Variants in ALDH1A2 observed in about 807,000 individuals in gnomAD.
ALDH1A2 encodes the protein retinal dehydrogenase 2.
In ALDH1A2, 27 loss-of-function variants were observed where a neutral mutation model predicts 60.3. The observed-to-expected ratio is 0.45, with a 90% CI of 0.33 to 0.62. The LOEUF is 0.62. Among genes scored for constraint, ALDH1A2 ranks in the 20% least tolerant of loss-of-function variants. The pLI, the probability that ALDH1A2 is intolerant of heterozygous loss-of-function variation, is 0.02. For synonymous variants in ALDH1A2, 289 were observed against 232.4 expected (o/e 1.24, Z -2.21); for missense variants, 581 against 643.8 (o/e 0.90, Z 1.06).
chr15:57,962,197 T>C, intron 9 of ALDH1A2, 21 bp from the exon 10 acceptor site: 1 of 1,612,082 alleles, frequency 6.2e-7, no homozygotes, highest in Non-Finnish European at 8.5e-7. Context: ...CAAGACTTAA[T>C]GACTCCAAAT....
chr15:57,996,261 ATTAT>A (rs1210754673), intron 4 of ALDH1A2, among the ~76,000 whole-genome samples: 3 of 151,900 alleles, frequency 2.0e-5, no homozygotes, highest in African/African-American at 7.3e-5. Context: ...CATATTCAAA[ATTAT>A]TTATTTTTTA....
chr15:57,968,802 A>G (rs1255020390), intron 7 of ALDH1A2, among the ~76,000 whole-genome samples: 1 of 152,206 alleles, frequency 6.6e-6, no homozygotes, highest in African/African-American at 2.4e-5. Context: ...TCATCAGACC[A>G]TTCTAGAGGT....
intron 12 of ALDH1A2, among the ~76,000 whole-genome samples, chr15:57,955,796 C>T (rs1374251984): frequency 4.6e-5 from 7 of 152,204 alleles, no homozygotes; most frequent in Non-Finnish European, 8.8e-5. Flanking sequence ...CTAAGTGTTC[C>T]TGTCCTTCTG....
At chr15:58,028,200 C>G (rs1896131074) in intron 1 of ALDH1A2, among the ~76,000 whole-genome samples, 1 of 152,102 alleles carries the variant, frequency 6.6e-6, no homozygotes, top group African/African-American at 2.4e-5. Flanking sequence ...ACAGCAGATC[C>G]CTTGGCAGAA....
chr15:57,961,923 G>A, intron 10 of ALDH1A2, 89 bp downstream of exon 10: 2 of 1,510,908 alleles, frequency 1.3e-6, no homozygotes, highest in Non-Finnish European at 9.2e-7. Flanking sequence ...AAAATATAAA[G>A]AGCTAAAACT....
At position 57,955,146 on chromosome 15, in the gene ALDH1A2, G is replaced by T. The variant is rs780113751; in HGVS notation, c.*51C>A. On this transcript the variant is annotated 3_prime_UTR_variant, in exon 13 of 13. Transcript: ENST00000249750. ...CTGAGAGCTGGGCCCTACAGAGAAA[G>T]CAGAGAGGGACAGACGTGCAGGCTG... The T allele has an allele frequency of 4.5e-6, 7 of 1,555,904 alleles. No individual in the cohort carries two copies. The highest frequency in any genetic ancestry group is 2.7e-5 in the African/African-American group (2 of 73,732).
Position 58,010,738 on chromosome 15 carries a change from G to C in ALDH1A2, c.404C>G (p.Ala135Gly). 6.2e-7 allele frequency: 1 copy of C among 1,613,542 alleles called. No individual in the cohort carries two copies. The highest frequency in any genetic ancestry group is 1.1e-5 in the South Asian group (1 of 91,082). ...GACGCCCTGCAAATCCACATAAAAA[G>C]CTTGCAGGAATGGTTTGCCACCATT... ...SLNGGKPFLQ[A>G]FYVDLQGVIK... Residue 135 changes from alanine to glycine, a missense_variant, in exon 4 of 13, where the codon GCT (alanine) becomes GGT (glycine). Ala to Gly is a moderately conservative substitution (Grantham distance 60). This residue lies in a region of ALDH1A2 where 206 missense variants were observed against 174.1 expected (regional missense o/e 1.18). Coordinates refer to ENST00000249750, the MANE Select transcript of ALDH1A2 (RefSeq NM_003888.4).
chr15:58,048,047 C>T (rs1459679857), intron 1 of ALDH1A2, among the ~76,000 whole-genome samples: 1 of 151,840 alleles, frequency 6.6e-6, no homozygotes, highest in African/African-American at 2.4e-5. Context: ...ATAATGGACC[C>T]AATATTGCAG....
intron 1 of ALDH1A2, among the ~76,000 whole-genome samples, chr15:58,015,133 T>C (rs2140520290): frequency 1.3e-5 from 2 of 152,330 alleles, no homozygotes; most frequent in Middle Eastern, 6.8e-3. Context: ...TTAGAGGACA[T>C]ACGAAGATGT....
At chr15:57,992,857 G>C in intron 6 of ALDH1A2, 39 bp from the exon 7 acceptor site, 1 of 1,613,696 alleles carries the variant, frequency 6.2e-7, no homozygotes, top group Non-Finnish European at 8.5e-7. Flanking sequence ...GCTGATGAAA[G>C]CTGATGCATC....
intron 7 of ALDH1A2, among the ~76,000 whole-genome samples, chr15:57,988,733 G>C (rs192064507): frequency 7.7e-4 from 117 of 152,288 alleles, no homozygotes; most frequent in African/African-American, 2.6e-3. Flanking sequence ...CATTTAAAAC[G>C]TTAAAAGATC....
chr15:57,994,991 AC>A, intron 5 of ALDH1A2, 86 bp downstream of exon 5: 1 of 1,289,082 alleles, frequency 7.8e-7, no homozygotes, highest in Non-Finnish European at 1.1e-6. Flanking sequence ...AATGGAAAAC[AC>A]ACATCGCTGA....
chr15:58,012,102 G>C (rs2140516160), intron 3 of ALDH1A2: 1 of 152,260 alleles, frequency 6.6e-6, no homozygotes, highest in African/African-American at 2.4e-5. Flanking sequence ...CATAGCTTGA[G>C]AGTGTTTAAA....
At chr15:58,041,702 T>A (rs1408643364) in intron 1 of ALDH1A2, among the ~76,000 whole-genome samples, 3 of 151,938 alleles carry the variant, frequency 2.0e-5, no homozygotes, top group Non-Finnish European at 2.9e-5. Context: ...AAAGTTCTCA[T>A]CTCCTAATAC....
At chr15:58,013,760 A>T (rs1296909111) in intron 3 of ALDH1A2, 98 bp downstream of exon 3, 9 of 1,485,758 alleles carry the variant, frequency 6.1e-6, no homozygotes, top group Non-Finnish European at 7.2e-6. Context: ...TCAAAAAATA[A>T]AATAAATAAA....
intron 12 of ALDH1A2, among the ~76,000 whole-genome samples, chr15:57,960,107 T>C: frequency 6.6e-6 from 1 of 152,208 alleles, no homozygotes; most frequent in East Asian, 1.9e-4. Context: ...ATCCCTGAGC[T>C]CCTCCATTGG....
At chr15:58,065,351 G>C (rs946694886) in intron 1 of ALDH1A2, 183 bp downstream of exon 1, 6 of 682,706 alleles carry the variant, frequency 8.8e-6, no homozygotes, top group East Asian at 2.7e-5. Flanking sequence ...CTCAGACCAC[G>C]GCGGGGCTTC....
chr15:58,019,579 G>A (rs948528134), intron 1 of ALDH1A2, among the ~76,000 whole-genome samples: 7 of 152,144 alleles, frequency 4.6e-5, no homozygotes, highest in African/African-American at 9.7e-5. Flanking sequence ...TGCTGTAACC[G>A]AAGGTAAAAA....
chr15:58,034,013 A>G (rs889540378), intron 1 of ALDH1A2, among the ~76,000 whole-genome samples: 17 of 151,550 alleles, frequency 1.1e-4, no homozygotes, highest in African/African-American at 3.9e-4. Flanking sequence ...TAGTTTGTTA[A>G]TATCTACAAA....
Sources: allele counts gnomAD v4.1 joint callset (sites outside exome capture counted in the v4.1 genomes callset), GRCh38; gene constraint gnomAD v4.1.1; regional missense constraint gnomAD v4.1.1; transcripts MANE v1.5; gene names NCBI Gene and HGNC (gene_info 2026-07-23, HGNC 2026-07-21).